The following ERMP1 variants were observed in gnomAD, a reference collection of about 807,000 sequenced individuals.
The protein encoded by ERMP1 is Felix-ina.
In ERMP1, 86 loss-of-function variants were observed where a neutral mutation model predicts 92.0. That is an observed-to-expected ratio of 0.93 (90% CI 0.79 to 1.12). ERMP1 has a LOEUF of 1.12. ERMP1 is among the 50% of genes most tolerant of loss of function. The pLI is 0.00. For synonymous variants in ERMP1, 530 were observed against 412.8 expected (o/e 1.28, Z -3.44); for missense variants, 1,342 against 1,116.3 (o/e 1.20, Z -2.88).
chr9:5,826,159 T>G (rs1017917547), intron 2 of ERMP1, among the ~76,000 whole-genome samples: 4 of 152,176 alleles, frequency 2.6e-5, no homozygotes, highest in Non-Finnish European at 4.4e-5. Context: ...CTGCTGAAGC[T>G]GGGAGATAAG....
intron 6 of ERMP1, among the ~76,000 whole-genome samples, chr9:5,857,325 A>AT (rs1440347578): frequency 1.3e-5 from 2 of 152,008 alleles, no homozygotes; most frequent in African/African-American, 4.8e-5. Flanking sequence ...CATGGCCGAA[A>AT]TTTTTTTCAA....
intron 6 of ERMP1, among the ~76,000 whole-genome samples, chr9:5,844,497 C>A (rs1435535806): frequency 6.6e-6 from 1 of 152,128 alleles, no homozygotes; most frequent in East Asian, 1.9e-4. Context: ...TGGTCTCAAA[C>A]CCCTAGGCTC....
intron 2 of ERMP1, among the ~76,000 whole-genome samples, chr9:5,830,095 C>T (rs1410577023): frequency 6.6e-6 from 1 of 152,154 alleles, no homozygotes; most frequent in Non-Finnish European, 1.5e-5. Context: ...CTTTATAGGT[C>T]AACAGAATCT....
chr9:5,831,932 A>AAT (rs1278456437), intron 1 of ERMP1, among the ~76,000 whole-genome samples: 2 of 152,166 alleles, frequency 1.3e-5, no homozygotes, highest in Non-Finnish European at 2.9e-5. Context: ...GAAAGTCCTT[A>AAT]ATAAGCTTGC....
At chr9:5,858,007 C>T (rs1392580332) in intron 6 of ERMP1, among the ~76,000 whole-genome samples, 2 of 152,150 alleles carry the variant, frequency 1.3e-5, no homozygotes, top group African/African-American at 4.8e-5. Flanking sequence ...TGTGGCAGGT[C>T]CCAAGACAAA....
intron 4 of ERMP1, among the ~76,000 whole-genome samples, chr9:5,818,024 A>T (rs1351976139): frequency 1.3e-5 from 2 of 152,166 alleles, no homozygotes; most frequent in African/African-American, 4.8e-5. Context: ...TCAAGAATAG[A>T]TCACATGGTG....
chr9:5,828,903 T>C (rs550600452), intron 2 of ERMP1, among the ~76,000 whole-genome samples: 1 of 152,082 alleles, frequency 6.6e-6, no homozygotes, highest in African/African-American at 2.4e-5. Context: ...AGCATCATAA[T>C]AGTGGGCAAA....
intron 2 of ERMP1, among the ~76,000 whole-genome samples, chr9:5,830,170 G>T (rs918756678): frequency 4.6e-5 from 7 of 152,116 alleles, no homozygotes; most frequent in Admixed American, 4.6e-4. Context: ...ATACAAATTT[G>T]TAAACTTTCT....
At chr9:5,793,934 A>G (rs1307831223) in intron 13 of ERMP1, among the ~76,000 whole-genome samples, 1 of 152,124 alleles carries the variant, frequency 6.6e-6, no homozygotes. Flanking sequence ...TCAATCGATT[A>G]GATCTAAGTG....
rs1379863219 is a variant in ERMP1 at position 5,797,807 on chromosome 9, T to C, written c.2386+10A>G. 1.3e-6 allele frequency: 2 copies of C among 1,519,204 alleles called. No individual in the cohort carries two copies. Among genetic ancestry groups the C allele is most frequent in the East Asian group, 2.3e-5 (1 of 44,354 alleles). The allele number at this position is 1,519,204 out of a possible 1,614,324, so 94.1% of individuals were successfully genotyped here. ...TAAAGGAGGGGAGAAAAAACTATTATATGACTTACCTGTTGCTTCAAAAGT... is the reference window on the plus strand; with the variant it reads ...TAAAGGAGGGGAGAAAAAACTATTACATGACTTACCTGTTGCTTCAAAAGT... On this transcript the variant is annotated intron_variant, in intron 13 of 14. Coordinates refer to ENST00000339450, the MANE Select transcript of ERMP1 (RefSeq NM_024896.3).
At chr9:5,789,791 C>T (rs1337311600) in intron 13 of ERMP1, among the ~76,000 whole-genome samples, 1 of 151,890 alleles carries the variant, frequency 6.6e-6, no homozygotes. Flanking sequence ...TTGAGCAATC[C>T]TATTGCCTCA....
chr9:5,788,281 T>C (rs999489085), intron 13 of ERMP1, among the ~76,000 whole-genome samples: 7 of 152,168 alleles, frequency 4.6e-5, no homozygotes, highest in Non-Finnish European at 1.0e-4. Context: ...TTGTGGCAAA[T>C]GCAGACCAAG....
chr9:5,811,061 C>G, intron 7 of ERMP1, 50 bp downstream of exon 7: 2 of 1,293,828 alleles, frequency 1.5e-6, no homozygotes, highest in South Asian at 2.5e-5. Context: ...AAACTTCAAG[C>G]ACATTCTACA....
At chr9:5,816,547 G>C (rs775535005) in intron 4 of ERMP1, among the ~76,000 whole-genome samples, 52 of 152,130 alleles carry the variant, frequency 3.4e-4, no homozygotes, top group Non-Finnish European at 6.5e-4. Context: ...TGCATCTAAA[G>C]TTGGTATTAC....
chr9:5,791,741 G>A (rs1346866609), intron 13 of ERMP1, among the ~76,000 whole-genome samples: 2 of 152,124 alleles, frequency 1.3e-5, no homozygotes, highest in Non-Finnish European at 2.9e-5. Context: ...TGCTTTAAAA[G>A]AAAAACAGTT....
At chr9:5,863,547 G>A (rs1318609798) in intron 5 of ERMP1, among the ~76,000 whole-genome samples, 1 of 152,168 alleles carries the variant, frequency 6.6e-6, no homozygotes, top group Admixed American at 6.5e-5. Flanking sequence ...GTCCTCAGAT[G>A]ACCTTGTTTG....
rs1563742768 is a variant in ERMP1 at position 5,787,437 on chromosome 9, T to C, written c.2543A>G (p.Glu848Gly). 6.2e-7 allele frequency: 1 copy of C among 1,612,508 alleles called. No individual in the cohort carries two copies. The highest frequency in any genetic ancestry group is 1.7e-4 in the Middle Eastern group (1 of 6,040). The part of the protein sequence containing the change: ...LQASAWQFWI[E>G]VQVSEEHPEG... ...ATGCTGGGAAATTGGCACCTGCACT[T>C]CTATCCAGAACTGCCATGCAGAGGC... The change falls in exon 14 of 15, where the codon GAA (glutamate) becomes GGA (glycine). Residue 848 changes from glutamate (E) to glycine (G), a missense_variant. By Grantham distance (98) the Glu-to-Gly change is moderately conservative. Coordinates refer to ENST00000339450, the MANE Select transcript of ERMP1 (RefSeq NM_024896.3).
intron 5 of ERMP1, among the ~76,000 whole-genome samples, chr9:5,861,273 C>T (rs1830487589): frequency 6.7e-6 from 1 of 149,032 alleles, no homozygotes; most frequent in Admixed American, 6.7e-5. Context: ...CAGTTAATAA[C>T]TCAAAGTATT....
rs776716376 is a variant in ERMP1, at chr9:5,811,158, C to T, written c.1280G>A (p.Gly427Asp). The T allele has an allele frequency of 6.2e-7, 1 of 1,613,916 alleles. No individual in the cohort carries two copies. The highest frequency in any genetic ancestry group is 1.1e-5 in the South Asian group (1 of 91,060). ...GSIINYMVVM[G>D]VVLYLGKKFL... is the part of the protein sequence containing the mutation. ...TTTTTTGCCCAGGTACAAAACAACA[C>T]CCATTACCACCATGTAGTTTATGAT... is the stretch of plus-strand genomic sequence containing the variant. The change falls in exon 7 of 15, where the codon GGT becomes GAT. Residue 427 changes from glycine to aspartate, a missense_variant. Transcript: ENST00000339450.
Sources: allele counts gnomAD v4.1 joint callset (sites outside exome capture counted in the v4.1 genomes callset), GRCh38; gene constraint gnomAD v4.1.1; transcripts MANE v1.5; gene names NCBI Gene and HGNC (gene_info 2026-07-23, HGNC 2026-07-21).